TNFSF10: variants seen among roughly 807,000 people sequenced by gnomAD.
The protein encoded by TNFSF10 is TNF superfamily member 10.
TNFSF10 carries 13 observed loss-of-function variants against 29.5 expected under a neutral mutation model. The observed-to-expected ratio is 0.44, with a 90% CI of 0.29 to 0.70. The LOEUF (loss-of-function observed/expected upper bound fraction) is 0.70. TNFSF10 is among the 30% of genes least tolerant of loss of function. The pLI, the probability that TNFSF10 is intolerant of heterozygous loss-of-function variation, is 0.13. For missense variants in TNFSF10, 345 were observed against 330.9 expected, an observed-to-expected ratio of 1.04 and a Z score of -0.33; for synonymous variants, 111 against 112.8, an observed-to-expected ratio of 0.98 and a Z score of 0.10.
At chr3:172,507,146 C>T in intron 4 of TNFSF10, 1 of 523,768 alleles carries the variant, frequency 1.9e-6, no homozygotes, top group Non-Finnish European at 3.3e-6. Flanking sequence ...TTGGGAGTCC[C>T]TTGTCTTTTT....
rs1010072852 is a variant in TNFSF10 at position 172,505,585 on chromosome 3, CT to C, written c.*906del. The C allele has an allele frequency of 6.6e-5, 10 of 151,924 alleles. No individual in the cohort carries two copies. Among genetic ancestry groups the C allele is most frequent in the African/African-American group, 2.2e-4 (9 of 41,332 alleles). The allele number at this position is 151,924 out of a possible 1,614,324, so 9.4% of individuals were successfully genotyped here. ...ATATTATGAAAAAAAGATTAGAAGTCTTTTCCCCCATTTTTAGTAATCTTGA... is the reference window on the plus strand; with the variant it reads ...ATATTATGAAAAAAAGATTAGAAGTCTTTCCCCCATTTTTAGTAATCTTGA... On this transcript the variant is annotated 3_prime_UTR_variant, in exon 5 of 5. Coordinates refer to ENST00000241261, the MANE Select transcript of TNFSF10 (RefSeq NM_003810.4).
chr3:172,521,442 A>T (rs1253400393), intron 1 of TNFSF10, among the ~76,000 whole-genome samples: 2 of 152,238 alleles, frequency 1.3e-5, no homozygotes, highest in Non-Finnish European at 2.9e-5. Flanking sequence ...GCCAACAAAC[A>T]TGAAAAAAAG....
At chr3:172,507,995 T>C (rs77662190) in intron 4 of TNFSF10, among the ~76,000 whole-genome samples, 127 of 152,336 alleles carry the variant, frequency 8.3e-4, no homozygotes, top group African/African-American at 2.9e-3. Flanking sequence ...GCTCAAAACA[T>C]GCATCTAGGT....
intron 1 of TNFSF10, among the ~76,000 whole-genome samples, chr3:172,522,738 C>G (rs1299570176): frequency 6.6e-6 from 1 of 152,152 alleles, no homozygotes; most frequent in Non-Finnish European, 1.5e-5. Context: ...TGTGCACTAC[C>G]TTAGGTTGTT....
At chr3:172,508,555 C>T (rs911294424) in intron 4 of TNFSF10, among the ~76,000 whole-genome samples, 4 of 151,876 alleles carry the variant, frequency 2.6e-5, no homozygotes, top group African/African-American at 9.7e-5. Flanking sequence ...GATTTGATGG[C>T]GAGCAAAGAA....
At chr3:172,516,133 G>A (rs551187481) in intron 1 of TNFSF10, among the ~76,000 whole-genome samples, 9 of 152,146 alleles carry the variant, frequency 5.9e-5, no homozygotes, top group Admixed American at 1.3e-4. Context: ...GCGTGGTGGC[G>A]GGCGCCTGTA....
chr3:172,513,917 C>A (rs1049594128), intron 2 of TNFSF10, among the ~76,000 whole-genome samples: 7 of 151,638 alleles, frequency 4.6e-5, no homozygotes, highest in East Asian at 1.9e-4. Context: ...CAGCTCACTG[C>A]AACTTCTGCC....
rs1712966155 is a variant in TNFSF10 at position 172,506,004 on chromosome 3, T to G, written c.*488A>C. ...GTTCCCAAAATGTTGGGATTACAGG[T>G]GTGAGCCACTGCACCAGGCAAACTG... On this transcript the variant is annotated 3_prime_UTR_variant, in exon 5 of 5. Transcript: ENST00000241261. 1 of 153,732 alleles carries G rather than the reference T, an allele frequency of 6.5e-6. No homozygotes were observed. The highest frequency in any genetic ancestry group is 1.9e-4 in the East Asian group (1 of 5,214). 9.5% of individuals were successfully genotyped at this position (153,732 alleles called of 1,614,324 possible).
chr3:172,508,356 C>T (rs1284077276), intron 4 of TNFSF10, among the ~76,000 whole-genome samples: 1 of 151,896 alleles, frequency 6.6e-6, no homozygotes, highest in African/African-American at 2.4e-5. Flanking sequence ...AACATATCGA[C>T]ACATGTTCTG....
At chr3:172,511,590 T>C (rs1560145176) in intron 3 of TNFSF10, 27 bp downstream of exon 3, 1 of 1,588,378 alleles carries the variant, frequency 6.3e-7, no homozygotes, top group East Asian at 2.2e-5. Flanking sequence ...CAGTAAAAAA[T>C]TAAAATAACA....
In TNFSF10 at chr3:172,514,917, T is replaced by G. The variant is rs146736623; in HGVS notation, c.214A>C (p.Ser72Arg). 8.7e-6 allele frequency: 14 copies of G among 1,614,082 alleles called. No homozygotes were observed. Among genetic ancestry groups the G allele is most frequent in the African/African-American group, 2.7e-5 (2 of 74,926 alleles). ...DSYWDPNDEE[S>R]MNSPCWQVKW... is the part of the protein sequence containing the mutation. The stretch of plus-strand genomic sequence containing the variant: ...ACTTGCCAGCAGGGGCTGTTCATAC[T>G]CTCTTCGTCATTGGGGTCCCAATAA... The change falls in exon 2 of 5, where the codon AGT becomes CGT. Residue 72 changes from serine to arginine, a missense_variant. Coordinates refer to ENST00000241261, the MANE Select transcript of TNFSF10 (RefSeq NM_003810.4).
At chr3:172,510,772 G>T (rs777773212) in intron 3 of TNFSF10, among the ~76,000 whole-genome samples, 3 of 151,902 alleles carry the variant, frequency 2.0e-5, no homozygotes, top group Non-Finnish European at 4.4e-5. Flanking sequence ...AAGAAAGAAG[G>T]CTTAGACCCC....
At chr3:172,512,560 A>G (rs936342489) in intron 2 of TNFSF10, among the ~76,000 whole-genome samples, 6 of 152,164 alleles carry the variant, frequency 3.9e-5, no homozygotes, top group African/African-American at 1.2e-4. Context: ...GATGCCGGAT[A>G]ATGGGGGCAG....
intron 2 of TNFSF10, among the ~76,000 whole-genome samples, chr3:172,512,495 C>A (rs1713265664): frequency 6.6e-6 from 1 of 152,224 alleles, no homozygotes; most frequent in South Asian, 2.1e-4. Context: ...CTTGCCTTCT[C>A]TGTACTTCCA....
intron 1 of TNFSF10, among the ~76,000 whole-genome samples, chr3:172,520,539 C>CT (rs759241269): frequency 2.6e-5 from 4 of 152,208 alleles, no homozygotes; most frequent in Non-Finnish European, 4.4e-5. Flanking sequence ...TGTTCAGTGA[C>CT]TTAGGGCCTG....
chr3:172,516,544 T>C (rs1017197183), intron 1 of TNFSF10, among the ~76,000 whole-genome samples: 1 of 152,228 alleles, frequency 6.6e-6, no homozygotes, highest in Non-Finnish European at 1.5e-5. Context: ...AAACTTGAGT[T>C]AATAAATTTC....
rs1389547659 is a variant in TNFSF10 at position 172,506,682 on chromosome 3, G to C, written c.656C>G (p.Pro219Arg). 6.2e-7 allele frequency: 1 copy of C among 1,614,112 alleles called. No individual in the cohort carries two copies. Among genetic ancestry groups the C allele is most frequent in the Non-Finnish European group, 8.5e-7 (1 of 1,180,010 alleles). Residue 219 changes from proline to arginine, a missense_variant, in exon 5 of 5, where the codon CCT becomes CGT. Physicochemically the swap from Pro to Arg is moderately radical, Grantham distance 103 (BLOSUM62 -2). Transcript: ENST00000241261. Reference sequence around the variant, plus strand: ...TCTAGCACTTTTCATCAACAATATAGGGTCAGGATAACTTGTGTATTTGTA... The same window carrying C: ...TCTAGCACTTTTCATCAACAATATACGGTCAGGATAACTTGTGTATTTGTA... ...YIYKYTSYPD[P>R]ILLMKSARNS...
At chr3:172,509,343 G>GTCA in intron 3 of TNFSF10, 22 bp from the exon 4 acceptor site, 1 of 1,597,988 alleles carries the variant, frequency 6.3e-7, no homozygotes, top group East Asian at 2.2e-5. Flanking sequence ...ATGATAAAGG[G>GTCA]TCATCAACAC....
At chr3:172,514,318 G>T (rs909302882) in intron 2 of TNFSF10, among the ~76,000 whole-genome samples, 2 of 152,168 alleles carry the variant, frequency 1.3e-5, no homozygotes, top group African/African-American at 4.8e-5. Flanking sequence ...TTTATTGGCT[G>T]TAAATTAAGA....
Sources: gnomAD v4.1 joint callset for allele counts (sites outside exome capture counted in the v4.1 genomes callset) on GRCh38, gnomAD v4.1.1 for gene constraint, MANE v1.5 for transcripts, NCBI Gene and HGNC (gene_info 2026-07-23, HGNC 2026-07-21) for gene names.